HEPACAM2: variants seen among roughly 807,000 people sequenced by gnomAD.
The protein encoded by HEPACAM2 is mitotic kinetics regulator.
Under a neutral mutation model 49.6 loss-of-function variants are expected in HEPACAM2, and 49 were observed. That is an observed-to-expected ratio of 0.99 (90% CI 0.78 to 1.25). The LOEUF is 1.25. HEPACAM2 is among the 50% of genes most tolerant of loss of function. The pLI, the probability that HEPACAM2 is intolerant of heterozygous loss-of-function variation, is 0.00. For missense variants in HEPACAM2, 525 were observed against 557.2 expected (o/e 0.94, Z 0.58); for synonymous variants, 197 against 202.9 (o/e 0.97, Z 0.25).
At position 93,197,376 on chromosome 7, in the gene HEPACAM2, C is replaced by T. The variant is rs902900181; in HGVS notation, c.1160G>A (p.Gly387Asp). The change falls in exon 6 of 10, where the codon GGC becomes GAC. Residue 387 changes from glycine to aspartate, a missense_variant. By Grantham distance (94) the Gly-to-Asp change is moderately conservative. Transcript: ENST00000394468. Reference protein sequence around the residue: ...PYKVIKQKLEGRPETEYRKAQ... With the variant: ...PYKVIKQKLEDRPETEYRKAQ... ...TTCATAGAAACAGATGCATTACCTG[C>T]CTTCTAGTTTCTGTTTTATAACTAA... The T allele has an allele frequency of 6.3e-7, 1 of 1,599,618 alleles. No homozygotes were observed. Among genetic ancestry groups the T allele is most frequent in the Non-Finnish European group, 8.5e-7 (1 of 1,172,860 alleles).
At chr7:93,193,860 C>T (rs1436147115) in intron 8 of HEPACAM2, among the ~76,000 whole-genome samples, 1 of 152,122 alleles carries the variant, frequency 6.6e-6, no homozygotes, top group African/African-American at 2.4e-5. Context: ...TTGCATTTGG[C>T]TGCTAATCTT....
chr7:93,194,886 A>G (rs1345050156), intron 8 of HEPACAM2, among the ~76,000 whole-genome samples: 1 of 149,586 alleles, frequency 6.7e-6, no homozygotes, highest in East Asian at 2.0e-4. Flanking sequence ...AACATTCTGC[A>G]TGTCTGTTAA....
At chr7:93,214,346 TTAA>T (rs1294721655) in intron 3 of HEPACAM2, among the ~76,000 whole-genome samples, 1 of 152,144 alleles carries the variant, frequency 6.6e-6, no homozygotes, top group Non-Finnish European at 1.5e-5. Flanking sequence ...CAATTACCAA[TTAA>T]TGAGTCAAAA....
chr7:93,189,604 C>G (rs1286101595), intron 9 of HEPACAM2, among the ~76,000 whole-genome samples: 3 of 151,816 alleles, frequency 2.0e-5, no homozygotes, highest in Non-Finnish European at 2.9e-5. Context: ...CATAAGTTCA[C>G]TAAATAAATA....
At chr7:93,222,928 G>GTTC (rs1794477598) in intron 1 of HEPACAM2, among the ~76,000 whole-genome samples, 1 of 152,198 alleles carries the variant, frequency 6.6e-6, no homozygotes, top group African/African-American at 2.4e-5. Context: ...TCAATCCTTG[G>GTTC]ATATCCTTTA....
upstream of HEPACAM2, among the ~76,000 whole-genome samples, chr7:93,227,739 T>A (rs1721126575): frequency 6.6e-6 from 1 of 152,204 alleles, no homozygotes; most frequent in South Asian, 2.1e-4. Flanking sequence ...CTCTGCACTG[T>A]CTCTAAATCT....
In HEPACAM2 at chr7:93,210,863, T is replaced by C. The variant is rs577340255; in HGVS notation, c.716-1987A>G. On this transcript the variant is annotated intron_variant, in intron 3 of 9. Transcript: ENST00000394468. ...GTCATTTGAATTTTTTGGGTCTCAT[T>C]TTCCTCACCTTTTAATATAAAAAGA... 2.5e-4 allele frequency among the ~76,000 whole-genome samples: 38 copies of C among 152,108 alleles called. No homozygotes were observed. The South Asian group carries it at 7.9e-3, about 32-fold the overall frequency.
chr7:93,215,743 C>A, intron 2 of HEPACAM2, 58 bp from the exon 3 acceptor site: 1 of 1,521,666 alleles, frequency 6.6e-7, no homozygotes, highest in Admixed American at 1.9e-5. Context: ...ATAATAAAAC[C>A]CTATGAGGTC....
intron 1 of HEPACAM2, among the ~76,000 whole-genome samples, chr7:93,225,000 A>C (rs1012715839): frequency 2.0e-5 from 3 of 152,192 alleles, no homozygotes; most frequent in African/African-American, 7.2e-5. Flanking sequence ...GCAAATTTGC[A>C]GAAGAGAGAA....
chr7:93,197,738 A>C (rs1793771604), intron 4 of HEPACAM2, 128 bp from the exon 5 acceptor site: 1 of 417,632 alleles, frequency 2.4e-6, no homozygotes. Flanking sequence ...AGAGACACAC[A>C]GAGAGAGAGA....
intron 3 of HEPACAM2, among the ~76,000 whole-genome samples, chr7:93,213,341 A>G (rs904296167): frequency 6.6e-6 from 1 of 152,080 alleles, no homozygotes; most frequent in African/African-American, 2.4e-5. Flanking sequence ...CCTCATAAGT[A>G]TATAGTCAAT....
At position 93,197,821 on chromosome 7, in the gene HEPACAM2, C is replaced by T. The variant is rs188958618; in HGVS notation, c.1013-211G>A. On this transcript the variant is annotated intron_variant, in intron 4 of 9. Transcript: ENST00000394468. Reference sequence around the variant, plus strand: ...CCCTAGGGATACCTGTGATTGGAAACGTGGTGCACTGCCCAAGTTAAAACT... The same window carrying T: ...CCCTAGGGATACCTGTGATTGGAAATGTGGTGCACTGCCCAAGTTAAAACT... Among the ~76,000 whole-genome samples the T allele has an allele frequency of 4.6e-5, 7 of 152,162 alleles. No individual in the cohort carries two copies. In the East Asian group the frequency reaches 1.4e-3, roughly 30 times the overall value.
chr7:93,215,346 A>G (rs944409633), intron 3 of HEPACAM2, 55 bp downstream of exon 3: 1 of 1,499,902 alleles, frequency 6.7e-7, no homozygotes, highest in Admixed American at 1.7e-5. Flanking sequence ...ATCCTGGGAG[A>G]TATTCTCAGA....
At chr7:93,190,153 G>A (rs1413961728) in intron 9 of HEPACAM2, among the ~76,000 whole-genome samples, 1 of 151,918 alleles carries the variant, frequency 6.6e-6, no homozygotes, top group Non-Finnish European at 1.5e-5. Flanking sequence ...GTGATTATAA[G>A]TAAAATAAGT....
In HEPACAM2 at chr7:93,208,695, T is replaced by C. The variant is rs1794095104; in HGVS notation, c.897A>G (p.Leu299=). The change falls in exon 4 of 10, where the codon TTA becomes TTG. Residue 299 remains leucine, a synonymous_variant. Transcript: ENST00000394468. Reference sequence around the variant, plus strand: ...GGGCTACTTTCTCAGATGCAACTTCTAAGCGAGGCCCATGCTTAATGATAT... The same window carrying C: ...GGGCTACTTTCTCAGATGCAACTTCCAAGCGAGGCCCATGCTTAATGATAT... ...TTYIIKHGPR[L]EVASEKVAQK... is the part of the protein sequence containing the mutation. The C allele has an allele frequency of 6.2e-7, 1 of 1,613,148 alleles. No individual in the cohort carries two copies.
At chr7:93,217,683 A>G (rs1402361507) in intron 2 of HEPACAM2, among the ~76,000 whole-genome samples, 2 of 152,168 alleles carry the variant, frequency 1.3e-5, no homozygotes, top group Admixed American at 6.5e-5. Flanking sequence ...AGCACTGAGG[A>G]CAAAGCAGCA....
At chr7:93,223,621 A>G (rs538554321) in intron 1 of HEPACAM2, among the ~76,000 whole-genome samples, 8 of 152,286 alleles carry the variant, frequency 5.3e-5, no homozygotes, top group Admixed American at 2.0e-4. Flanking sequence ...TTCTTATTAA[A>G]TGAAAAGTTT....
At chr7:93,196,854 CATGAAACCTACCTTAGGA>C (rs1258513647) in intron 7 of HEPACAM2, among the ~76,000 whole-genome samples, 1 of 152,150 alleles carries the variant, frequency 6.6e-6, no homozygotes, top group Non-Finnish European at 1.5e-5. Context: ...GAGCTGCCAG[CATGAAACCTACCTTAGGA>C]ATGAACAAAG....
At chr7:93,189,386 G>T in intron 9 of HEPACAM2, 116 bp from the exon 10 acceptor site, 1 of 587,084 alleles carries the variant, frequency 1.7e-6, no homozygotes, top group Non-Finnish European at 2.9e-6. Flanking sequence ...AAGAATGTTT[G>T]GAGCTAGCTC....
Sources: allele counts gnomAD v4.1 joint callset (sites outside exome capture counted in the v4.1 genomes callset), GRCh38; gene constraint gnomAD v4.1.1; transcripts MANE v1.5; gene names NCBI Gene and HGNC (gene_info 2026-07-23, HGNC 2026-07-21).